The following TTC6 variants were observed in gnomAD, a reference collection of about 807,000 sequenced individuals.
The protein encoded by TTC6 is tetratricopeptide repeat protein 6.
Under a neutral mutation model 210.4 loss-of-function variants are expected in TTC6, and 172 were observed. The observed-to-expected ratio is 0.82, with a 90% CI of 0.72 to 0.93. The LOEUF (loss-of-function observed/expected upper bound fraction) is 0.93. Among genes scored for constraint, TTC6 ranks in the 40% least tolerant of loss-of-function variants. The pLI is 0.00. For synonymous variants in TTC6, 804 were observed against 819.6 expected (o/e 0.98, Z 0.32); for missense variants, 2,414 against 2,318.1 (o/e 1.04, Z -0.85).
chr14:37,676,330 T>A lies in TTC6; in HGVS notation c.940-3821T>A, dbSNP rs2095769364. Reference sequence around the variant, plus strand: ...TTTGAAGCTTCTTTCTGTTGTTTTTTTCTACCTTAAAAACTACTTGTGTTA... The same window carrying A: ...TTTGAAGCTTCTTTCTGTTGTTTTTATCTACCTTAAAAACTACTTGTGTTA... On this transcript the variant is annotated intron_variant, in intron 1 of 30. Coordinates refer to ENST00000553443, the Ensembl canonical transcript of TTC6. Among the ~76,000 whole-genome samples the A allele has an allele frequency of 3.3e-5, 5 of 152,208 alleles. No individual in the cohort carries two copies. In the South Asian group the frequency reaches 1.0e-3, roughly 32 times the overall value.
chr14:37,786,402 C>T (rs145324074), intron 14 of TTC6, among the ~76,000 whole-genome samples: 4 of 152,300 alleles, frequency 2.6e-5, no homozygotes, highest in South Asian at 4.1e-4. Context: ...AGCAAGGCTC[C>T]GTGGGCGTGG....
At chr14:37,711,208 C>A (rs2095844191) in intron 5 of TTC6, among the ~76,000 whole-genome samples, 1 of 152,112 alleles carries the variant, frequency 6.6e-6, no homozygotes, top group African/African-American at 2.4e-5. Context: ...TCTTACTCAG[C>A]CAAAATTCAA....
At chr14:37,827,998 C>T (rs573535899) in intron 29 of TTC6, 13 of 152,216 alleles carry the variant, frequency 8.5e-5, no homozygotes, top group African/African-American at 2.9e-4. Context: ...TCTGTTCTTT[C>T]CCCCACTTAG....
intron 1 of TTC6, among the ~76,000 whole-genome samples, chr14:37,676,401 A>G (rs1333027194): frequency 3.9e-5 from 6 of 151,996 alleles, no homozygotes; most frequent in Admixed American, 3.9e-4. Context: ...TCCATTGCCC[A>G]TTTTTAATTT....
intron 20 of TTC6, among the ~76,000 whole-genome samples, chr14:37,799,416 T>C (rs2096100708): frequency 6.6e-6 from 1 of 152,166 alleles, no homozygotes; most frequent in Non-Finnish European, 1.5e-5. Flanking sequence ...CCACTCATTC[T>C]GCTGCTCACC....
intron 1 of TTC6, among the ~76,000 whole-genome samples, chr14:37,604,060 C>T (rs2095620747): frequency 6.6e-6 from 1 of 152,216 alleles, no homozygotes; most frequent in East Asian, 1.9e-4. Context: ...TCAGGGGCTG[C>T]TGACCAGGTA....
chr14:37,659,987 G>T (rs189828995), intron 1 of TTC6, among the ~76,000 whole-genome samples: 101 of 149,992 alleles, frequency 6.7e-4, no homozygotes, highest in African/African-American at 2.3e-3. Context: ...GTTCCTTATA[G>T]ATGCTACATA....
chr14:37,615,804 T>G (rs926442736), intron 2 of TTC6, among the ~76,000 whole-genome samples: 4 of 152,214 alleles, frequency 2.6e-5, no homozygotes, highest in Non-Finnish European at 5.9e-5. Context: ...CTTTACTTGA[T>G]TGAGCATGGT....
intron 1 of TTC6, among the ~76,000 whole-genome samples, chr14:37,643,875 A>G (rs1468869856): frequency 6.6e-6 from 1 of 152,192 alleles, no homozygotes; most frequent in African/African-American, 2.4e-5. Context: ...TGATTTCATT[A>G]TGCTGTCGAG....
At chr14:37,628,450 G>A (rs2095664113) in intron 1 of TTC6, among the ~76,000 whole-genome samples, 2 of 151,432 alleles carry the variant, frequency 1.3e-5, no homozygotes, top group South Asian at 4.1e-4. Context: ...CCTTTTTGAT[G>A]GGGTTGTTTT....
chr14:37,645,529 T>A (rs2095699995), intron 1 of TTC6, among the ~76,000 whole-genome samples: 1 of 151,770 alleles, frequency 6.6e-6, no homozygotes, highest in Non-Finnish European at 1.5e-5. Context: ...TAGGACAGAG[T>A]GATAGAATAA....
chr14:37,622,582 C>G, exon 1 of TTC6: 2 of 1,534,046 alleles, frequency 1.3e-6, no homozygotes, highest in Non-Finnish European at 1.7e-6. Context: ...TCGCGGCACG[C>G]GGCTCCCAGG....
At chr14:37,765,692 C>T (rs2095997151) in intron 14 of TTC6, among the ~76,000 whole-genome samples, 2 of 151,956 alleles carry the variant, frequency 1.3e-5, no homozygotes, top group East Asian at 3.9e-4. Context: ...TTCATGTCAG[C>T]CTTAGGGACT....
At chr14:37,777,639 C>T (rs560894252) in intron 14 of TTC6, among the ~76,000 whole-genome samples, 13 of 152,226 alleles carry the variant, frequency 8.5e-5, no homozygotes, top group East Asian at 3.9e-4. Context: ...GCCATTGCTG[C>T]GGAGTGAATG....
At chr14:37,789,595 CTTAT>C (rs1033919886) in intron 15 of TTC6, among the ~76,000 whole-genome samples, 10 of 17,834 alleles carry the variant, frequency 5.6e-4, no homozygotes, top group African/African-American at 1.5e-3. Context: ...TTGGTTTCCT[CTTAT>C]ATATATATAT....
chr14:37,827,124 C>A (rs1216088429), intron 28 of TTC6, 72 bp from the exon 31 acceptor site: 3 of 1,257,190 alleles, frequency 2.4e-6, no homozygotes, highest in Non-Finnish European at 3.2e-6. Flanking sequence ...CCCTAATGTT[C>A]ATTTTGGCAG....
intron 19 of TTC6, 140 bp downstream of exon 21, chr14:37,796,510 T>C (rs2139365170): frequency 1.9e-6 from 1 of 534,094 alleles, no homozygotes; most frequent in East Asian, 3.4e-5. Context: ...ATATGTACAT[T>C]GCCAATTAGT....
chr14:37,751,231 C>T lies in TTC6; in HGVS notation c.3129+6C>T. 1 of 1,514,524 alleles carries T rather than the reference C, an allele frequency of 6.6e-7. No individual in the cohort carries two copies. The allele number at this position is 1,514,524 out of a possible 1,614,324, so 93.8% of individuals were successfully genotyped here. A position where few individuals can be genotyped will look rare whatever the true frequency, so the allele number is the denominator to read the frequency against. ...CCATTGATGACTTTTCGAAAGTAAGCTTTATCACATATAATTCTACCATTT... is the reference window on the plus strand; with the variant it reads ...CCATTGATGACTTTTCGAAAGTAAGTTTTATCACATATAATTCTACCATTT... On this transcript the variant is annotated splice_donor_region_variant and intron_variant, in intron 13 of 30. Coordinates refer to ENST00000553443, the Ensembl canonical transcript of TTC6.
intron 1 of TTC6, among the ~76,000 whole-genome samples, chr14:37,651,415 ATATATATATATTTTTTTTTTTTTTTTTT>A (rs1374740277): frequency 9.6e-5 from 2 of 20,834 alleles, no homozygotes; most frequent in African/African-American, 5.1e-4. Context: ...ATATATATAT[ATATATATATATTTTTTTTTTTTTTTTTT>A]TTTTTTTTTT....
Sources: gnomAD v4.1 joint callset for allele counts (sites outside exome capture counted in the v4.1 genomes callset) on GRCh38, gnomAD v4.1.1 for gene constraint, MANE v1.5 for transcripts, NCBI Gene and HGNC (gene_info 2026-07-23, HGNC 2026-07-21) for gene names.